Variants in PTPRC observed in about 807,000 individuals in gnomAD.
PTPRC encodes protein tyrosine phosphatase receptor type C.
A neutral mutation model predicts 155.9 loss-of-function variants in PTPRC; 44 were observed. The ratio of observed to expected loss-of-function variants is 0.28; its 90% CI spans 0.22 to 0.36. PTPRC has a LOEUF of 0.36. Ranked by LOEUF, PTPRC falls within the 10% of genes least tolerant of loss-of-function variation. The probability of loss-of-function intolerance (pLI) is 1.00; values close to 1 mark genes in which losing one functional copy is unlikely to be tolerated. For missense variants in PTPRC, 1,401 were observed against 1,564.6 expected (o/e 0.90, Z 1.76); for synonymous variants, 525 against 533.1 (o/e 0.98, Z 0.21).
At chr1:198,743,854 C>T (rs1434155393) in intron 25 of PTPRC, among the ~76,000 whole-genome samples, 200 bp from the exon 26 acceptor site, 4 of 151,736 alleles carry the variant, frequency 2.6e-5, no homozygotes, top group Non-Finnish European at 5.9e-5. Context: ...AAAAAATAAT[C>T]TGAAAATAGA....
chr1:198,709,757 C>A lies in PTPRC; in HGVS notation c.1104C>A (p.Asp368Glu). ...NLEPEHEYKC[D>E]SEILYNNHKF... is the part of the protein sequence containing the mutation. ...AACCCGAACATGAGTATAAGTGTGA[C>A]TCAGAAATACTCTATAATAACCACA... The change falls in exon 11 of 33, where the codon GAC (aspartate) becomes GAA (glutamate). Residue 368 changes from aspartate to glutamate, a missense_variant. Coordinates refer to ENST00000442510, the MANE Select transcript of PTPRC (RefSeq NM_002838.5). 1 of 1,611,578 alleles carries A rather than the reference C, an allele frequency of 6.2e-7. No individual in the cohort carries two copies. The highest frequency in any genetic ancestry group is 1.3e-5 in the African/African-American group (1 of 74,954).
chr1:198,705,216 C>A (rs1652879849), intron 8 of PTPRC, among the ~76,000 whole-genome samples: 1 of 151,894 alleles, frequency 6.6e-6, no homozygotes, highest in African/African-American at 2.4e-5. Context: ...TAAGTCTAAC[C>A]ACTGGAGTCA....
At chr1:198,754,900 T>G (rs755813387) in intron 32 of PTPRC, among the ~76,000 whole-genome samples, 9 of 152,122 alleles carry the variant, frequency 5.9e-5, no homozygotes, top group Admixed American at 2.0e-4. Context: ...TAAAGTGACC[T>G]ACACTGCCAG....
chr1:198,747,008 A>G (rs889645181), intron 26 of PTPRC, among the ~76,000 whole-genome samples: 9 of 151,812 alleles, frequency 5.9e-5, no homozygotes, highest in African/African-American at 1.5e-4. Flanking sequence ...ACACACACGT[A>G]TCTACATGCG....
intron 23 of PTPRC, among the ~76,000 whole-genome samples, chr1:198,736,641 A>G (rs1321624955): frequency 6.6e-6 from 1 of 151,748 alleles, no homozygotes; most frequent in Admixed American, 6.6e-5. Flanking sequence ...TAGTGCTCCA[A>G]TAAACGTGGG....
Position 198,713,021 on chromosome 1 carries a change from C to A in PTPRC, c.1240C>A (p.Pro414Thr), listed in dbSNP as rs1653392040. 1.2e-6 allele frequency: 2 copies of A among 1,613,594 alleles called. No individual in the cohort carries two copies. The highest frequency in any genetic ancestry group is 1.7e-5 in the Admixed American group (1 of 59,976). The change falls in exon 12 of 33, where the codon CCC becomes ACC. Residue 414 changes from proline (P) to threonine (T), a missense_variant. Around this residue, in one of 3 missense-constraint regions of PTPRC, gnomAD observed 867 missense variants for 970.4 expected, o/e 0.89. Transcript: ENST00000442510. ...AAHQGVITWNPPQRSFHNFTL... is the reference protein window; with the variant it reads ...AAHQGVITWNTPQRSFHNFTL... ...ACATCAAGGAGTAATTACCTGGAAT[C>A]CCCCTCAAAGATCATTTCATAATTT...
In PTPRC at chr1:198,692,365, C is replaced by T. The variant is rs1665976396; in HGVS notation, c.92C>T (p.Ser31Phe). The change falls in exon 3 of 33, where the codon TCC becomes TTC. Residue 31 changes from serine (S) to phenylalanine (F), a missense_variant. This residue lies in a region of PTPRC where 867 missense variants were observed against 970.4 expected (regional missense o/e 0.89). Coordinates refer to ENST00000442510, the MANE Select transcript of PTPRC (RefSeq NM_002838.5). The stretch of plus-strand genomic sequence containing the variant: ...TTTGCAGGGCAAAGCCCAACACCTT[C>T]CCCCACTGGTAAGAATTAATATTTA... ...VFVTGQSPTP[S>F]PTGLTTAKMP... The T allele has an allele frequency of 1.3e-6, 2 of 1,497,006 alleles. No individual in the cohort carries two copies. The highest frequency in any genetic ancestry group is 1.4e-5 in the South Asian group (1 of 70,620). 92.7% of individuals were successfully genotyped at this position (1,497,006 alleles called of 1,614,324 possible).
At chr1:198,732,606 C>CTTGT in intron 20 of PTPRC, 50 bp downstream of exon 20, 1 of 1,368,306 alleles carries the variant, frequency 7.3e-7, no homozygotes, top group Non-Finnish European at 1.0e-6. Context: ...CATTCAGCTC[C>CTTGT]TTGTTTGTCT....
chr1:198,743,668 CT>C, intron 25 of PTPRC, among the ~76,000 whole-genome samples: 1 of 151,852 alleles, frequency 6.6e-6, no homozygotes, highest in African/African-American at 2.4e-5. Flanking sequence ...TAACAACTTG[CT>C]TTTTTATCTC....
chr1:198,647,945 A>G (rs1201608558), intron 2 of PTPRC, among the ~76,000 whole-genome samples: 1 of 151,854 alleles, frequency 6.6e-6, no homozygotes, highest in African/African-American at 2.4e-5. Context: ...TCAAAGTAAC[A>G]ACATACCTTG....
intron 2 of PTPRC, among the ~76,000 whole-genome samples, chr1:198,665,456 G>A (rs1664236480): frequency 6.6e-6 from 1 of 152,140 alleles, no homozygotes; most frequent in African/African-American, 2.4e-5. Flanking sequence ...TAAGGCAGGA[G>A]CCAAGTGAGA....
intron 2 of PTPRC, among the ~76,000 whole-genome samples, chr1:198,654,993 T>G (rs1663475898): frequency 2.0e-5 from 3 of 151,968 alleles, no homozygotes; most frequent in Admixed American, 2.0e-4. Context: ...TGGCTGTTTT[T>G]TCTTCTATTT....
At position 198,658,044 on chromosome 1, in the gene PTPRC, C is replaced by T. The variant is rs539366587; in HGVS notation, c.73+18703C>T. Among the ~76,000 whole-genome samples, 414 of 152,284 alleles carry T rather than the reference C, an allele frequency of 2.7e-3. 4 individuals are homozygous for T. The highest frequency in any genetic ancestry group is 2.5e-3 in the Non-Finnish European group (168 of 68,016). ...AGAGATGTGGAGCACATATACATTTCAGCCATCCTACATGCCCACAGGGAC... is the reference window on the plus strand; with the variant it reads ...AGAGATGTGGAGCACATATACATTTTAGCCATCCTACATGCCCACAGGGAC... On this transcript the variant is annotated intron_variant, in intron 2 of 32. Transcript: ENST00000442510.
chr1:198,722,761 A>G (rs1653953576), intron 15 of PTPRC, among the ~76,000 whole-genome samples: 1 of 151,784 alleles, frequency 6.6e-6, no homozygotes, highest in Non-Finnish European at 1.5e-5. Flanking sequence ...ATGTTTATGA[A>G]ATATCGTCAT....
chr1:198,704,377 A>G, intron 7 of PTPRC, 95 bp from the exon 8 acceptor site: 1 of 1,584,238 alleles, frequency 6.3e-7, no homozygotes, highest in Non-Finnish European at 8.6e-7. Flanking sequence ...AGACTTTATG[A>G]AGTAGAAGTA....
chr1:198,729,552 T>C (rs1571876263), intron 17 of PTPRC, among the ~76,000 whole-genome samples: 1 of 152,142 alleles, frequency 6.6e-6, no homozygotes. Flanking sequence ...CCCATTCATT[T>C]TAAATAAGAA....
At chr1:198,665,457 C>T (rs1304425057) in intron 2 of PTPRC, among the ~76,000 whole-genome samples, 3 of 151,844 alleles carry the variant, frequency 2.0e-5, no homozygotes, top group African/African-American at 7.3e-5. Flanking sequence ...AAGGCAGGAG[C>T]CAAGTGAGAA....
chr1:198,658,998 G>T (rs1663773493), intron 2 of PTPRC, among the ~76,000 whole-genome samples: 1 of 152,036 alleles, frequency 6.6e-6, no homozygotes, highest in Non-Finnish European at 1.5e-5. Flanking sequence ...CTAAGGAAAA[G>T]AATTTTCTTT....
At chr1:198,650,306 T>A (rs1168654953) in intron 2 of PTPRC, among the ~76,000 whole-genome samples, 1 of 151,846 alleles carries the variant, frequency 6.6e-6, no homozygotes, top group Non-Finnish European at 1.5e-5. Context: ...GTTGAAGAGA[T>A]CACTTTGACT....
Sources: allele counts gnomAD v4.1 joint callset (sites outside exome capture counted in the v4.1 genomes callset), GRCh38; gene constraint gnomAD v4.1.1; regional missense constraint gnomAD v4.1.1; transcripts MANE v1.5; gene names NCBI Gene and HGNC (gene_info 2026-07-23, HGNC 2026-07-21).